PAK5: variants seen among roughly 807,000 people sequenced by gnomAD.
PAK5 encodes p21 (RAC1) activated kinase 5.
A neutral mutation model predicts 65.9 loss-of-function variants in PAK5; 16 were observed. That is an observed-to-expected ratio of 0.24 (90% confidence interval 0.16 to 0.37). PAK5 has a LOEUF of 0.37. PAK5 is among the 10% of genes least tolerant of loss of function. PAK5 has a pLI of 1.00. For missense variants in PAK5, 785 were observed against 903.9 expected (o/e 0.87, Z 1.69); for synonymous variants, 371 against 354.9 (o/e 1.05, Z -0.51).
At chr20:9,814,720 C>G (rs2049336633) in intron 1 of PAK5, among the ~76,000 whole-genome samples, 1 of 152,074 alleles carries the variant, frequency 6.6e-6, no homozygotes, top group East Asian at 1.9e-4. Context: ...TCTGACTATC[C>G]TGAATCATTT....
chr20:9,563,162 G>A, intron 5 of PAK5, 138 bp from the exon 6 acceptor site: 1 of 776,700 alleles, frequency 1.3e-6, no homozygotes, highest in Non-Finnish European at 2.1e-6. Flanking sequence ...ATCTATTACA[G>A]ACAAAAAGCA....
chr20:9,825,330 G>A (rs2049471121), intron 1 of PAK5, among the ~76,000 whole-genome samples: 1 of 152,086 alleles, frequency 6.6e-6, no homozygotes, highest in African/African-American at 2.4e-5. Flanking sequence ...TTTTTAGTAA[G>A]GTACAGTGAT....
chr20:9,579,562 C>T (rs528894114), intron 4 of PAK5, among the ~76,000 whole-genome samples: 6 of 152,204 alleles, frequency 3.9e-5, no homozygotes, highest in East Asian at 3.9e-4. Context: ...AATGGTCCAG[C>T]GGTCCAGCAA....
chr20:9,772,075 C>A (rs758970133), intron 1 of PAK5, among the ~76,000 whole-genome samples: 51 of 152,252 alleles, frequency 3.3e-4, no homozygotes, highest in South Asian at 6.2e-4. Flanking sequence ...TTACCCACTT[C>A]TTGTACTCAC....
rs58376139 is a variant in PAK5 at position 9,618,403 on chromosome 20, C to CTT, written c.204+25720_204+25721dup. ...CAGGACAGACTATTACGGCCTGGAA[C>CTT]TTTTTTTTTTTTTTTTTTTTTGAGA... On this transcript the variant is annotated intron_variant, in intron 3 of 9. Coordinates refer to ENST00000353224, the MANE Select transcript of PAK5 (RefSeq NM_177990.4). Among the ~76,000 whole-genome samples the CTT allele has an allele frequency of 2.0e-3, 254 of 129,744 alleles. 2 individuals carry two copies. The highest frequency in any genetic ancestry group is 4.5e-3 in the African/African-American group (150 of 33,606). The allele number at this position is 129,744 out of a possible 152,430, so 85.1% of individuals were successfully genotyped here. A position where few individuals can be genotyped will look rare whatever the true frequency, so the allele number is the denominator to read the frequency against.
intron 1 of PAK5, among the ~76,000 whole-genome samples, chr20:9,771,916 T>C (rs2123678635): frequency 6.6e-6 from 1 of 152,192 alleles, no homozygotes; most frequent in African/African-American, 2.4e-5. Flanking sequence ...TACATGCCCA[T>C]GGTCCCAGCT....
intron 4 of PAK5, among the ~76,000 whole-genome samples, chr20:9,571,855 CAG>C (rs1281209646): frequency 2.7e-5 from 3 of 112,672 alleles, no homozygotes; most frequent in African/African-American, 1.1e-4. Context: ...GAAAAATTCA[CAG>C]AGATAGGCAT....
At chr20:9,632,718 A>G (rs2046938113) in intron 3 of PAK5, among the ~76,000 whole-genome samples, 1 of 152,220 alleles carries the variant, frequency 6.6e-6, no homozygotes, top group African/African-American at 2.4e-5. Context: ...TCTTAGGAAA[A>G]AACACTGTGC....
chr20:9,541,981 G>A (rs1437530356), intron 9 of PAK5, among the ~76,000 whole-genome samples: 7 of 152,114 alleles, frequency 4.6e-5, no homozygotes, highest in African/African-American at 1.7e-4. Context: ...CAGGCATGTG[G>A]AACTGTGAGT....
At chr20:9,601,940 T>A (rs2046367244) in intron 3 of PAK5, among the ~76,000 whole-genome samples, 1 of 152,176 alleles carries the variant, frequency 6.6e-6, no homozygotes, top group South Asian at 2.1e-4. Context: ...AAGAAATGTT[T>A]GCTGTTATAA....
intron 3 of PAK5, among the ~76,000 whole-genome samples, chr20:9,598,111 C>T (rs1375670321): frequency 3.3e-5 from 5 of 152,116 alleles, no homozygotes; most frequent in Non-Finnish European, 5.9e-5. Context: ...GCTTTCCCTC[C>T]CCCCATGACA....
chr20:9,747,812 C>A (rs1297054200), intron 1 of PAK5, among the ~76,000 whole-genome samples: 32 of 150,314 alleles, frequency 2.1e-4, no homozygotes, highest in Non-Finnish European at 3.4e-4. Flanking sequence ...TCCTATTCAA[C>A]ATAGTGTTGG....
chr20:9,816,319 C>T (rs1455491955), intron 1 of PAK5, among the ~76,000 whole-genome samples: 3 of 152,108 alleles, frequency 2.0e-5, no homozygotes, highest in Non-Finnish European at 2.9e-5. Flanking sequence ...CCATTAATAG[C>T]GAAATAAAGG....
At chr20:9,706,637 C>A (rs950668287) in intron 2 of PAK5, among the ~76,000 whole-genome samples, 1 of 151,286 alleles carries the variant, frequency 6.6e-6, no homozygotes, top group Non-Finnish European at 1.5e-5. Flanking sequence ...TGCCACCATT[C>A]CTGGCTAATT....
chr20:9,713,454 G>A (rs1169022764), intron 1 of PAK5, among the ~76,000 whole-genome samples: 1 of 152,108 alleles, frequency 6.6e-6, no homozygotes, highest in East Asian at 1.9e-4. Flanking sequence ...AAACAGCATG[G>A]AGGTTTCTCA....
intron 4 of PAK5, among the ~76,000 whole-genome samples, chr20:9,567,128 G>T (rs2045696260): frequency 6.6e-6 from 1 of 152,138 alleles, no homozygotes; most frequent in African/African-American, 2.4e-5. Context: ...AATTGCTGAG[G>T]CCAGGATGGT....
chr20:9,800,221 G>A (rs1179576012), intron 1 of PAK5, among the ~76,000 whole-genome samples: 1 of 152,000 alleles, frequency 6.6e-6, no homozygotes, highest in Non-Finnish European at 1.5e-5. Flanking sequence ...GATTCATGAC[G>A]CTTTGAGGAT....
intron 2 of PAK5, among the ~76,000 whole-genome samples, chr20:9,655,396 T>C (rs575707116): frequency 6.6e-6 from 1 of 152,244 alleles, no homozygotes; most frequent in South Asian, 2.1e-4. Flanking sequence ...TCTAAGTACA[T>C]TGTGTGGGAC....
chr20:9,773,991 G>A (rs1453698622), intron 1 of PAK5, among the ~76,000 whole-genome samples: 1 of 152,196 alleles, frequency 6.6e-6, no homozygotes, highest in Non-Finnish European at 1.5e-5. Flanking sequence ...GTTTCAAAAG[G>A]TTATATTTCA....
Sources: gnomAD v4.1 joint callset for allele counts (sites outside exome capture counted in the v4.1 genomes callset) on GRCh38, gnomAD v4.1.1 for gene constraint, MANE v1.5 for transcripts, NCBI Gene and HGNC (gene_info 2026-07-23, HGNC 2026-07-21) for gene names.